The following DYNLRB1 variants were observed in gnomAD, a reference collection of about 807,000 sequenced individuals.
DYNLRB1 encodes the protein ROBL/LC7-like 1.
In DYNLRB1, 6 loss-of-function variants were observed where a neutral mutation model predicts 13.5. The observed-to-expected ratio is 0.44, with a 90% CI of 0.24 to 0.88. DYNLRB1 has a LOEUF of 0.88. DYNLRB1 is among the 40% of genes least tolerant of loss of function. DYNLRB1 has a pLI of 0.21. For synonymous variants in DYNLRB1, 43 were observed against 45.0 expected (o/e 0.96, Z 0.18); for missense variants, 93 against 127.2 (o/e 0.73, Z 1.29).
At chr20:34,516,931 G>A (rs1345916506) in intron 1 of DYNLRB1, 9 of 1,375,778 alleles carry the variant, frequency 6.5e-6, no homozygotes, top group Non-Finnish European at 8.5e-6. Context: ...TCAGCGCCCC[G>A]AGAAGCCAAG....
In DYNLRB1 at chr20:34,540,793, T is replaced by C. The variant is rs541602228; in HGVS notation, c.*169T>C. 2 of 639,288 alleles carry C rather than the reference T, an allele frequency of 3.1e-6. No homozygotes were observed. Among genetic ancestry groups the C allele is most frequent in the Admixed American group, 3.3e-5 (1 of 29,860 alleles). 39.6% of individuals were successfully genotyped at this position (639,288 alleles called of 1,614,324 possible). ...TTCTCCCCCACCAACGGAACCCCTG[T>C]GTGCACCAACCTTCCCCAGAGCTCC... On this transcript the variant is annotated 3_prime_UTR_variant, in exon 4 of 4. Transcript: ENST00000357156.
intron 1 of DYNLRB1, among the ~76,000 whole-genome samples, chr20:34,525,794 G>A (rs576756700): frequency 2.6e-5 from 4 of 152,288 alleles, no homozygotes; most frequent in Non-Finnish European, 5.9e-5. Flanking sequence ...TGAGTGCTGT[G>A]CATCACACTA....
intron 2 of DYNLRB1, among the ~76,000 whole-genome samples, chr20:34,528,299 G>A (rs140980288): frequency 1.6e-4 from 4 of 24,262 alleles, no homozygotes; most frequent in Admixed American, 9.3e-4. Context: ...GCGACAGAGC[G>A]AGACTCCGTC....
chr20:34,534,646 C>T lies in DYNLRB1; in HGVS notation c.98C>T (p.Thr33Ile). The T allele has an allele frequency of 4.4e-6, 7 of 1,573,550 alleles. No homozygotes were observed. The highest frequency in any genetic ancestry group is 4.3e-6 in the Non-Finnish European group (5 of 1,159,318). ...CCCTCAGGCATTCCCATCAAGAGCACCATGGACAACCCCACCACCACCCAG... is the reference window on the plus strand; with the variant it reads ...CCCTCAGGCATTCCCATCAAGAGCATCATGGACAACCCCACCACCACCCAG... ...VNTEGIPIKSTMDNPTTTQYA... is the reference protein window; with the variant it reads ...VNTEGIPIKSIMDNPTTTQYA... Residue 33 changes from threonine (T) to isoleucine (I), a missense_variant, in exon 3 of 4, where the codon ACC (threonine) becomes ATC (isoleucine). Physicochemically the swap from Thr to Ile is moderately conservative, Grantham distance 89. Coordinates refer to ENST00000357156, the MANE Select transcript of DYNLRB1 (RefSeq NM_014183.4).
chr20:34,534,611 G>T lies in DYNLRB1; in HGVS notation c.80-17G>T, dbSNP rs375761778. ...GGGGCTCCACATCCTCTCAGTCTCC[G>T]TCTGCTCTCCCCTCAGGCATTCCCA... On this transcript the variant is annotated splice_polypyrimidine_tract_variant and intron_variant, in intron 2 of 3. Transcript: ENST00000357156. 4 of 1,541,672 alleles carry T rather than the reference G, an allele frequency of 2.6e-6. No homozygotes were observed. The highest frequency in any genetic ancestry group is 2.5e-5 in the South Asian group (2 of 78,510).
chr20:34,515,747 A>G (rs371663053), upstream of DYNLRB1, among the ~76,000 whole-genome samples: 47 of 152,220 alleles, frequency 3.1e-4, 1 homozygote, highest in South Asian at 9.4e-3. Flanking sequence ...GGTCTCAGCA[A>G]CCGTCCCACT....
chr20:34,524,586 A>T (rs931889393), intron 1 of DYNLRB1, among the ~76,000 whole-genome samples: 1 of 152,198 alleles, frequency 6.6e-6, no homozygotes, highest in African/African-American at 2.4e-5. Context: ...GTTGGCATAC[A>T]GTAGGAGCTC....
chr20:34,526,923 C>T (rs1014508196), intron 2 of DYNLRB1, among the ~76,000 whole-genome samples: 1 of 152,148 alleles, frequency 6.6e-6, no homozygotes, highest in Non-Finnish European at 1.5e-5. Flanking sequence ...CTCTAGTTAA[C>T]TCCTCTGTGC....
At chr20:34,526,041 C>T (rs570888438) in intron 1 of DYNLRB1, among the ~76,000 whole-genome samples, 23 of 152,274 alleles carry the variant, frequency 1.5e-4, no homozygotes, top group Non-Finnish European at 2.1e-4. Context: ...GTGGGCAGAG[C>T]GCCAGGAGCA....
chr20:34,527,249 C>G (rs1288969887), intron 2 of DYNLRB1, among the ~76,000 whole-genome samples: 1 of 152,218 alleles, frequency 6.6e-6, no homozygotes, highest in Admixed American at 6.5e-5. Flanking sequence ...GACCCTCACG[C>G]TCCAGGCAGC....
In DYNLRB1 at chr20:34,526,294, A is replaced by T; in HGVS notation, c.30A>T (p.Arg10=). ...CAGAGGTGGAGGAGACACTGAAGCG[A>T]CTGCAGAGCCAGAAGGGAGTGCAGG... MAEVEETLK[R]LQSQKGVQGI... The change falls in exon 2 of 4, where the codon CGA becomes CGT. Residue 10 remains arginine (R), a synonymous_variant. Coordinates refer to ENST00000357156, the MANE Select transcript of DYNLRB1 (RefSeq NM_014183.4). The T allele has an allele frequency of 6.2e-7, 1 of 1,614,154 alleles. No homozygotes were observed. The highest frequency in any genetic ancestry group is 2.2e-5 in the East Asian group (1 of 44,886).
intron 2 of DYNLRB1, among the ~76,000 whole-genome samples, chr20:34,527,536 TGCCTCTAGGCC>T (rs1431091051): frequency 6.6e-6 from 1 of 152,242 alleles, no homozygotes; most frequent in Non-Finnish European, 1.5e-5. Context: ...ACATGCTTCA[TGCCTCTAGGCC>T]ACAGTGTTTC....
At chr20:34,519,861 C>T (rs1979567406) in intron 1 of DYNLRB1, among the ~76,000 whole-genome samples, 1 of 152,294 alleles carries the variant, frequency 6.6e-6, no homozygotes, top group Non-Finnish European at 1.5e-5. Context: ...TGGCCGGACA[C>T]AATGGCTGAC....
intron 2 of DYNLRB1, chr20:34,526,651 C>G (rs1980248387): frequency 2.7e-6 from 1 of 366,910 alleles, no homozygotes; most frequent in African/African-American, 2.0e-5. Flanking sequence ...AATCCCACCA[C>G]CCTGACAGAT....
chr20:34,524,827 C>A (rs1980057056), intron 1 of DYNLRB1, among the ~76,000 whole-genome samples: 1 of 151,992 alleles, frequency 6.6e-6, no homozygotes, highest in Non-Finnish European at 1.5e-5. Context: ...GGGTTCACGC[C>A]ATTCTTCTGC....
At chr20:34,539,521 C>CT (rs372506545) in intron 3 of DYNLRB1, among the ~76,000 whole-genome samples, 24 of 148,184 alleles carry the variant, frequency 1.6e-4, no homozygotes, top group South Asian at 6.4e-4. Context: ...CTGTACAAAA[C>CT]TTTTTTTTTT....
chr20:34,528,972 C>A (rs1261091649), intron 2 of DYNLRB1, among the ~76,000 whole-genome samples: 2 of 152,040 alleles, frequency 1.3e-5, no homozygotes, highest in African/African-American at 4.8e-5. Flanking sequence ...CAGAGCAAGA[C>A]CTTGTCTCTT....
chr20:34,536,359 G>GA, intron 3 of DYNLRB1: 1 of 985,392 alleles, frequency 1.0e-6, no homozygotes, highest in Non-Finnish European at 1.2e-6. Flanking sequence ...GTTGACCTGG[G>GA]TTGGGGGAAA....
At chr20:34,526,143 GT>G in intron 1 of DYNLRB1, 124 bp from the exon 2 acceptor site, 2 of 994,468 alleles carry the variant, frequency 2.0e-6, no homozygotes, top group Admixed American at 4.0e-5. Flanking sequence ...CTTTGAGGGT[GT>G]GCCAGGTGCC....
Sources: gnomAD v4.1 joint callset for allele counts (sites outside exome capture counted in the v4.1 genomes callset) on GRCh38, gnomAD v4.1.1 for gene constraint, MANE v1.5 for transcripts, NCBI Gene and HGNC (gene_info 2026-07-23, HGNC 2026-07-21) for gene names.